EPHA6: variants seen among roughly 807,000 people sequenced by gnomAD.
The protein encoded by EPHA6 is ephrin type-A receptor 6.
In EPHA6, 50 loss-of-function variants were observed where a neutral mutation model predicts 112.0. The ratio of observed to expected loss-of-function variants is 0.45; its 90% CI spans 0.36 to 0.56. The LOEUF (loss-of-function observed/expected upper bound fraction) is 0.56, where lower values mean the gene tolerates loss of function less well. Ranked by LOEUF, EPHA6 falls within the 20% of genes least tolerant of loss-of-function variation. The pLI is 0.00. For missense variants in EPHA6, 1,280 were observed against 1,417.4 expected (o/e 0.90, Z 1.56); for synonymous variants, 529 against 490.7 (o/e 1.08, Z -1.03).
At chr3:96,949,140 G>T (rs1277162598) in intron 2 of EPHA6, among the ~76,000 whole-genome samples, 2 of 152,100 alleles carry the variant, frequency 1.3e-5, no homozygotes, top group African/African-American at 4.8e-5. Flanking sequence ...TGTACATCAG[G>T]TCGAAAATAA....
At chr3:97,111,361 T>C (rs574503327) in intron 3 of EPHA6, among the ~76,000 whole-genome samples, 1 of 152,290 alleles carries the variant, frequency 6.6e-6, no homozygotes, top group South Asian at 2.1e-4. Context: ...GTATTTGACA[T>C]GTACCTGGTT....
intron 5 of EPHA6, among the ~76,000 whole-genome samples, chr3:97,329,467 CT>C (rs1432708709): frequency 3.4e-5 from 5 of 148,170 alleles, no homozygotes; most frequent in Admixed American, 2.0e-4. Flanking sequence ...TCCACATCCT[CT>C]CCAGCACCTG....
chr3:97,555,747 A>T (rs1194209701), intron 11 of EPHA6, among the ~76,000 whole-genome samples: 1 of 151,992 alleles, frequency 6.6e-6, no homozygotes, highest in East Asian at 1.9e-4. Context: ...GTCTGTTCAT[A>T]TCCTTCACCC....
chr3:97,277,715 A>G (rs2108655817), intron 5 of EPHA6, among the ~76,000 whole-genome samples: 1 of 152,356 alleles, frequency 6.6e-6, no homozygotes, highest in South Asian at 2.1e-4. Context: ...ATAAAAATAC[A>G]GTATAAAGGT....
intron 10 of EPHA6, 142 bp from the exon 11 acceptor site, chr3:97,532,216 C>G (rs1322743277): frequency 2.9e-6 from 2 of 678,376 alleles, no homozygotes; most frequent in Non-Finnish European, 2.4e-6. Flanking sequence ...TAAACTTACT[C>G]TTTAAGAAAG....
chr3:97,515,154 A>G (rs2092427934), intron 10 of EPHA6, among the ~76,000 whole-genome samples: 1 of 152,210 alleles, frequency 6.6e-6, no homozygotes, highest in Non-Finnish European at 1.5e-5. Context: ...TGAGAACAGA[A>G]CCATACATTA....
At chr3:97,024,396 T>C (rs1297566805) in intron 3 of EPHA6, among the ~76,000 whole-genome samples, 1 of 152,130 alleles carries the variant, frequency 6.6e-6, no homozygotes, top group Non-Finnish European at 1.5e-5. Flanking sequence ...CTTACTAGTG[T>C]AATGAATAAG....
At chr3:97,191,881 T>G (rs1252379637) in intron 3 of EPHA6, among the ~76,000 whole-genome samples, 1 of 152,106 alleles carries the variant, frequency 6.6e-6, no homozygotes, top group South Asian at 2.1e-4. Context: ...GGCTGTTCCA[T>G]TTTTTAGTTT....
In EPHA6 at chr3:96,994,074, A is replaced by G. The variant is rs146443306; in HGVS notation, c.1114+6081A>G. ...AATTTGTGATTCCTTTTTGCATAAT[A>G]TTGTTAAGGCTTACCTGTATCCAAA... On this transcript the variant is annotated intron_variant, in intron 3 of 17. Transcript: ENST00000389672. 8.4e-4 allele frequency: 175 copies of G among 207,650 alleles called. 1 individual carries two copies. The East Asian group carries it at 0.012, about 14-fold the overall frequency. 12.9% of individuals were successfully genotyped at this position (207,650 alleles called of 1,614,324 possible).
chr3:97,075,377 G>C lies in EPHA6; in HGVS notation c.1114+87384G>C, dbSNP rs550880200. On this transcript the variant is annotated intron_variant, in intron 3 of 17. Transcript: ENST00000389672. ...ATTTTGTGTTTAAACTTTGACTTTTGTCAAATTTTTACTACTGAAATAATT... is the reference window on the plus strand; with the variant it reads ...ATTTTGTGTTTAAACTTTGACTTTTCTCAAATTTTTACTACTGAAATAATT... 4.3e-4 allele frequency among the ~76,000 whole-genome samples: 66 copies of C among 151,992 alleles called. 1 individual carries two copies. The South Asian group carries it at 0.011, about 26-fold the overall frequency.
chr3:97,008,226 C>T (rs9882257), intron 3 of EPHA6, among the ~76,000 whole-genome samples: 6,654 of 152,220 alleles, frequency 0.044, 413 homozygotes, highest in African/African-American at 0.13. Context: ...TTCTCCCTGT[C>T]TCCTTCTGGT....
chr3:97,067,403 A>G (rs2046210173), intron 3 of EPHA6, among the ~76,000 whole-genome samples: 1 of 152,074 alleles, frequency 6.6e-6, no homozygotes, highest in Non-Finnish European at 1.5e-5. Flanking sequence ...TTAGTTTTGA[A>G]ATGAGAGATA....
intron 5 of EPHA6, among the ~76,000 whole-genome samples, chr3:97,357,530 T>C (rs1325804480): frequency 6.6e-6 from 1 of 152,202 alleles, no homozygotes; most frequent in African/African-American, 2.4e-5. Flanking sequence ...CATATGTTTT[T>C]ATCCATTCTG....
At chr3:97,469,794 T>C (rs567642497) in intron 7 of EPHA6, among the ~76,000 whole-genome samples, 565 of 151,736 alleles carry the variant, frequency 3.7e-3, no homozygotes, top group Non-Finnish European at 5.1e-3. Flanking sequence ...TGAAGAATAA[T>C]TACATCCATA....
chr3:96,978,498 A>G (rs2042621776), intron 2 of EPHA6, among the ~76,000 whole-genome samples: 1 of 152,208 alleles, frequency 6.6e-6, no homozygotes, highest in Non-Finnish European at 1.5e-5. Flanking sequence ...TTAGATCTAT[A>G]TCAATCTTGA....
intron 4 of EPHA6, among the ~76,000 whole-genome samples, chr3:97,243,566 C>T (rs1358087899): frequency 2.0e-5 from 3 of 151,444 alleles, no homozygotes; most frequent in South Asian, 2.1e-4. Context: ...ATGTATGTTA[C>T]TATTTTTTTT....
chr3:97,445,683 A>T (rs1393265570), intron 6 of EPHA6, among the ~76,000 whole-genome samples: 1 of 151,988 alleles, frequency 6.6e-6, no homozygotes, highest in African/African-American at 2.4e-5. Context: ...TAGTAAGAAC[A>T]GATATCAAAT....
chr3:97,114,595 G>A (rs375030084), intron 3 of EPHA6, among the ~76,000 whole-genome samples: 2 of 151,816 alleles, frequency 1.3e-5, no homozygotes, highest in South Asian at 2.1e-4. Context: ...TATAAAAGAG[G>A]ATAATCAGTC....
At chr3:97,304,779 A>G (rs1352225063) in intron 5 of EPHA6, among the ~76,000 whole-genome samples, 1 of 152,114 alleles carries the variant, frequency 6.6e-6, no homozygotes, top group African/African-American at 2.4e-5. Context: ...TAAAACCTAA[A>G]AAAGCCCCAG....
Sources: allele counts gnomAD v4.1 joint callset (sites outside exome capture counted in the v4.1 genomes callset), GRCh38; gene constraint gnomAD v4.1.1; transcripts MANE v1.5; gene names NCBI Gene and HGNC (gene_info 2026-07-23, HGNC 2026-07-21).